MYRIP: variants seen among roughly 807,000 people sequenced by gnomAD.
MYRIP encodes the protein rab effector MyRIP.
A neutral mutation model predicts 98.0 loss-of-function variants in MYRIP; 49 were observed. The observed-to-expected ratio is 0.50, with a 90% CI of 0.40 to 0.63. MYRIP has a LOEUF of 0.63. MYRIP is among the 30% of genes least tolerant of loss of function. MYRIP has a pLI of 0.00. For missense variants in MYRIP, 1,004 were observed against 1,058.2 expected (o/e 0.95, Z 0.71); for synonymous variants, 404 against 409.5 (o/e 0.99, Z 0.16).
intron 3 of MYRIP, among the ~76,000 whole-genome samples, chr3:40,069,716 T>C (rs1343308236): frequency 6.6e-5 from 10 of 152,204 alleles, no homozygotes; most frequent in Non-Finnish European, 1.5e-5. Context: ...ACAGTGGTCC[T>C]CGACCTTTTT....
chr3:39,865,248 G>T (rs146016745), intron 1 of MYRIP, among the ~76,000 whole-genome samples: 81 of 152,234 alleles, frequency 5.3e-4, no homozygotes, highest in African/African-American at 1.9e-3. Flanking sequence ...ACCTGGCAAA[G>T]ATTTTATGAC....
chr3:40,212,518 C>T (rs1443121194), intron 11 of MYRIP, among the ~76,000 whole-genome samples: 4 of 152,058 alleles, frequency 2.6e-5, no homozygotes, highest in African/African-American at 9.7e-5. Flanking sequence ...CCCATAATCC[C>T]AGCACTTTGG....
At chr3:39,909,188 G>A (rs1943956717) in intron 2 of MYRIP, among the ~76,000 whole-genome samples, 1 of 152,150 alleles carries the variant, frequency 6.6e-6, no homozygotes, top group Non-Finnish European at 1.5e-5. Flanking sequence ...GAGAGAGCCT[G>A]GAGACTCATG....
chr3:40,028,586 A>T (rs1947187981), intron 2 of MYRIP, among the ~76,000 whole-genome samples: 1 of 152,194 alleles, frequency 6.6e-6, no homozygotes, highest in African/African-American at 2.4e-5. Flanking sequence ...AGTGCCACTC[A>T]GAAAAACAGA....
chr3:39,976,427 A>G (rs891556918), intron 2 of MYRIP, among the ~76,000 whole-genome samples: 1 of 152,200 alleles, frequency 6.6e-6, no homozygotes, highest in African/African-American at 2.4e-5. Context: ...AGAAATAGGA[A>G]CACTTTTACA....
intron 2 of MYRIP, among the ~76,000 whole-genome samples, chr3:40,016,819 C>A (rs1028938574): frequency 6.6e-6 from 1 of 152,214 alleles, no homozygotes; most frequent in African/African-American, 2.4e-5. Context: ...AAAGTTTGTG[C>A]GGATTACAAG....
intron 2 of MYRIP, among the ~76,000 whole-genome samples, chr3:40,006,610 T>C (rs1946641814): frequency 6.6e-6 from 1 of 152,208 alleles, no homozygotes; most frequent in African/African-American, 2.4e-5. Context: ...CAGATGCCTA[T>C]ATTCTCACTT....
chr3:40,024,931 T>C (rs953445445), intron 2 of MYRIP, among the ~76,000 whole-genome samples: 3 of 152,208 alleles, frequency 2.0e-5, no homozygotes, highest in Admixed American at 2.0e-4. Flanking sequence ...GCTTTTACTT[T>C]TTGGTGCCTG....
chr3:40,172,193 A>G (rs7624326), intron 8 of MYRIP, among the ~76,000 whole-genome samples: 36,454 of 152,162 alleles, frequency 0.24, 4,919 homozygotes, highest in South Asian at 0.39. Context: ...ATGGTGAAAC[A>G]TGCCATAAAC....
intron 4 of MYRIP, among the ~76,000 whole-genome samples, chr3:40,159,199 A>G (rs1367570636): frequency 6.6e-6 from 1 of 151,840 alleles, no homozygotes; most frequent in Non-Finnish European, 1.5e-5. Flanking sequence ...GGTGGTGACA[A>G]AATCTCTCAG....
At chr3:39,855,827 C>T (rs1206724123) in intron 1 of MYRIP, among the ~76,000 whole-genome samples, 4 of 152,098 alleles carry the variant, frequency 2.6e-5, no homozygotes, top group Non-Finnish European at 4.4e-5. Flanking sequence ...CAGCAGCTCC[C>T]GCTTCTCCCC....
chr3:40,204,744 G>T (rs977902217), intron 10 of MYRIP, among the ~76,000 whole-genome samples: 11 of 152,088 alleles, frequency 7.2e-5, no homozygotes, highest in Non-Finnish European at 1.5e-4. Context: ...AGCTTGTAGG[G>T]TCCTCATGGC....
intron 3 of MYRIP, among the ~76,000 whole-genome samples, chr3:40,091,504 A>G (rs1948737126): frequency 6.6e-6 from 1 of 152,220 alleles, no homozygotes; most frequent in Non-Finnish European, 1.5e-5. Context: ...TTAAAATTAA[A>G]GAATATGGAT....
At chr3:40,022,110 G>T (rs1203831654) in intron 2 of MYRIP, among the ~76,000 whole-genome samples, 1 of 152,132 alleles carries the variant, frequency 6.6e-6, no homozygotes, top group Non-Finnish European at 1.5e-5. Context: ...TTTGTCCACT[G>T]CTCATGCTTT....
intron 1 of MYRIP, among the ~76,000 whole-genome samples, chr3:39,811,726 A>G (rs1045250805): frequency 5.4e-5 from 8 of 148,490 alleles, no homozygotes; most frequent in African/African-American, 2.0e-4. Context: ...GATGGTGTGT[A>G]TCTCTTGGTG....
At chr3:40,093,677 G>T (rs1182016773) in intron 3 of MYRIP, among the ~76,000 whole-genome samples, 1 of 152,184 alleles carries the variant, frequency 6.6e-6, no homozygotes, top group Non-Finnish European at 1.5e-5. Flanking sequence ...GCTCATTCTT[G>T]TCTCAACATT....
intron 3 of MYRIP, among the ~76,000 whole-genome samples, chr3:40,068,541 C>T (rs1575510886): frequency 6.6e-6 from 1 of 152,184 alleles, no homozygotes; most frequent in Non-Finnish European, 1.5e-5. Flanking sequence ...GAAAGCCAAA[C>T]AGCAATTCTA....
intron 2 of MYRIP, among the ~76,000 whole-genome samples, chr3:39,934,976 C>G (rs6787143): frequency 0.21 from 31,564 of 151,962 alleles, 5,032 homozygotes; most frequent in African/African-American, 0.45. Context: ...CAGCTTGTTT[C>G]ATTCTGTTGC....
At chr3:40,059,647 G>C (rs1453966104) in intron 3 of MYRIP, among the ~76,000 whole-genome samples, 1 of 152,034 alleles carries the variant, frequency 6.6e-6, no homozygotes, top group African/African-American at 2.4e-5. Context: ...TTGAGCCCTT[G>C]CCTTATTGAG....
Sources: gnomAD v4.1 joint callset for allele counts (sites outside exome capture counted in the v4.1 genomes callset) on GRCh38, gnomAD v4.1.1 for gene constraint, MANE v1.5 for transcripts, NCBI Gene and HGNC (gene_info 2026-07-23, HGNC 2026-07-21) for gene names.